KATNAL2: variants seen among roughly 807,000 people sequenced by gnomAD.
The protein encoded by KATNAL2 is katanin p60 ATPase-containing subunit A-like 2.
KATNAL2 carries 52 observed loss-of-function variants against 76.3 expected under a neutral mutation model. The observed-to-expected ratio is 0.68, with a 90% confidence interval of 0.55 to 0.86. The LOEUF is 0.86. Ranked by LOEUF, KATNAL2 falls within the 40% of genes least tolerant of loss-of-function variation. The probability of loss-of-function intolerance (pLI) is 0.00; values close to 1 mark genes in which losing one functional copy is unlikely to be tolerated. For missense variants in KATNAL2, 660 were observed against 668.9 expected (o/e 0.99, Z 0.15); for synonymous variants, 243 against 244.2 (o/e 1.00, Z 0.05).
intron 3 of KATNAL2, chr18:47,034,209 CGGT>C (rs1284620196): frequency 1.2e-6 from 2 of 1,613,814 alleles, no homozygotes; most frequent in Non-Finnish European, 1.7e-6. Flanking sequence ...AATGAGCAGT[CGGT>C]GGCTTCCCCT....
At chr18:47,081,829 T>C (rs769723613) in intron 15 of KATNAL2, among the ~76,000 whole-genome samples, 1 of 152,178 alleles carries the variant, frequency 6.6e-6, no homozygotes, top group Admixed American at 6.5e-5. Context: ...CTTGTGCCTT[T>C]AGTGGGAAAT....
intron 1 of KATNAL2, among the ~76,000 whole-genome samples, chr18:46,929,382 AC>A (rs1182051263): frequency 2.0e-5 from 3 of 151,964 alleles, no homozygotes; most frequent in Non-Finnish European, 4.4e-5. Flanking sequence ...AGCTGGGCCT[AC>A]AGGTGTGTGC....
intron 15 of KATNAL2, among the ~76,000 whole-genome samples, chr18:47,095,486 C>T (rs2063190986): frequency 6.7e-6 from 1 of 149,850 alleles, no homozygotes; most frequent in South Asian, 2.1e-4. Flanking sequence ...ATGCCTGCCT[C>T]TCTCTTTTGC....
chr18:46,932,926 C>T (rs561761446), intron 1 of KATNAL2, among the ~76,000 whole-genome samples: 1 of 151,894 alleles, frequency 6.6e-6, no homozygotes, highest in African/African-American at 2.4e-5. Context: ...CCATGCCCCA[C>T]TAATTTTTGT....
rs964748425 is a variant in KATNAL2, at chr18:47,077,339, GTC to G, written c.1101-6_1101-5del. On this transcript the variant is annotated splice_polypyrimidine_tract_variant and intron_variant, in intron 14 of 17. Transcript: ENST00000683218. ...CTGACACTTAGGAGAATCACGTCTT[GTC>G]TCTCTGTAGGGGAGAACATGAAGGA... 11 of 1,603,444 alleles carry G rather than the reference GTC, an allele frequency of 6.9e-6. No individual in the cohort carries two copies. The African/African-American group carries it at 1.1e-4, about 16-fold the overall frequency.
chr18:47,046,309 T>C (rs999154047), intron 3 of KATNAL2, 148 bp from the exon 4 acceptor site: 2 of 598,784 alleles, frequency 3.3e-6, no homozygotes, highest in African/African-American at 3.7e-5. Context: ...AAAACAACTT[T>C]ATATGTCCTT....
At chr18:46,960,252 A>ATTT in intron 3 of KATNAL2, among the ~76,000 whole-genome samples, 2 of 152,086 alleles carry the variant, frequency 1.3e-5, no homozygotes. Flanking sequence ...AATCTCACCA[A>ATTT]CATGGTGAAA....
intron 15 of KATNAL2, chr18:47,098,885 T>G: frequency 5.1e-6 from 1 of 196,086 alleles, no homozygotes; most frequent in Non-Finnish European, 1.1e-5. Context: ...AGAATACTCA[T>G]GATTGCTGGT....
intron 3 of KATNAL2, chr18:47,034,662 A>T: frequency 1.2e-6 from 2 of 1,613,572 alleles, no homozygotes; most frequent in Non-Finnish European, 1.7e-6. Flanking sequence ...GCCCGCCCTG[A>T]GCCGCGTGAG....
intron 3 of KATNAL2, among the ~76,000 whole-genome samples, chr18:46,961,597 A>G (rs193019460): frequency 6.6e-6 from 1 of 152,228 alleles, no homozygotes; most frequent in East Asian, 1.9e-4. Context: ...ACATTTTTCA[A>G]ATACAGACAT....
chr18:46,919,400 C>T (rs1176039879), intron 1 of KATNAL2, among the ~76,000 whole-genome samples: 1 of 151,906 alleles, frequency 6.6e-6, no homozygotes, highest in Admixed American at 6.6e-5. Context: ...GCAGGAGAAT[C>T]GCTTGAACCC....
intron 1 of KATNAL2, among the ~76,000 whole-genome samples, chr18:46,922,588 G>T (rs1313156257): frequency 2.0e-5 from 3 of 151,962 alleles, no homozygotes; most frequent in Non-Finnish European, 4.4e-5. Context: ...GAGGTCGGGA[G>T]TTCGAGACTA....
chr18:47,092,238 C>T (rs954715716), intron 15 of KATNAL2, among the ~76,000 whole-genome samples: 4 of 152,186 alleles, frequency 2.6e-5, no homozygotes, highest in Non-Finnish European at 4.4e-5. Context: ...GTGGATCACG[C>T]CTGTAATCCC....
chr18:46,921,006 T>A (rs1452543749), intron 1 of KATNAL2, among the ~76,000 whole-genome samples: 1 of 152,246 alleles, frequency 6.6e-6, no homozygotes, highest in East Asian at 1.9e-4. Context: ...GTGCTCTTTA[T>A]GGATTGAATC....
At chr18:47,022,586 TTGTC>T in intron 3 of KATNAL2, 3 of 411,502 alleles carry the variant, frequency 7.3e-6, no homozygotes, top group Non-Finnish European at 3.6e-6. Context: ...CAGATCATCT[TTGTC>T]TGTCGGCCGC....
intron 4 of KATNAL2, among the ~76,000 whole-genome samples, chr18:47,049,029 G>T (rs1045846113): frequency 4.0e-5 from 6 of 151,862 alleles, no homozygotes; most frequent in Admixed American, 3.3e-4. Context: ...TAGAGACGGG[G>T]TTTCACCGTG....
chr18:47,031,417 GTCTT>G (rs950808320), intron 3 of KATNAL2, among the ~76,000 whole-genome samples: 6 of 151,420 alleles, frequency 4.0e-5, no homozygotes, highest in East Asian at 1.9e-4. Context: ...GTGTCTCTCT[GTCTT>G]TCTTTTTGTG....
chr18:46,951,409 AT>A (rs57801829), intron 3 of KATNAL2, among the ~76,000 whole-genome samples: 123,195 of 137,166 alleles, frequency 0.9, 55,298 homozygotes, highest in East Asian at 0.98. Context: ...TCTAAGTCTG[AT>A]TTTTTTTTTT....
rs372742241 is a variant in KATNAL2 at position 47,034,871 on chromosome 18, C to T, written c.52-11586C>T. ...TGTTGCCCCGGAGGTGTTCTGCGTG[C>T]TGTCCGTCTGTGCTCAGGGCTGTGA... On this transcript the variant is annotated intron_variant, in intron 3 of 17. Coordinates refer to ENST00000683218, the MANE Select transcript of KATNAL2 (RefSeq NM_001387690.1). The T allele has an allele frequency of 4.9e-5, 79 of 1,612,004 alleles. No individual in the cohort carries two copies. Among genetic ancestry groups the T allele is most frequent in the Non-Finnish European group, 6.5e-5 (77 of 1,179,946 alleles).
Sources: gnomAD v4.1 joint callset for allele counts (sites outside exome capture counted in the v4.1 genomes callset) on GRCh38, gnomAD v4.1.1 for gene constraint, MANE v1.5 for transcripts, NCBI Gene and HGNC (gene_info 2026-07-23, HGNC 2026-07-21) for gene names.